Variants in SNX29 observed in about 807,000 individuals in gnomAD.
SNX29 encodes sorting nexin-29.
A neutral mutation model predicts 102.1 loss-of-function variants in SNX29; 78 were observed. That is an observed-to-expected ratio of 0.76 (90% confidence interval 0.64 to 0.92). The LOEUF (loss-of-function observed/expected upper bound fraction) is 0.92, where lower values mean the gene tolerates loss of function less well. Among genes scored for constraint, SNX29 ranks in the 40% least tolerant of loss-of-function variants. The pLI is 0.00. For synonymous variants in SNX29, 580 were observed against 414.5 expected, an observed-to-expected ratio of 1.40 and a Z score of -4.85; for missense variants, 1,280 against 1,061.7, an observed-to-expected ratio of 1.21 and a Z score of -2.86.
At chr16:12,058,958 A>G (rs2050648444) in intron 8 of SNX29, among the ~76,000 whole-genome samples, 1 of 151,452 alleles carries the variant, frequency 6.6e-6, no homozygotes, top group East Asian at 1.9e-4. Flanking sequence ...ATACCTGGCT[A>G]ATTTTTAAAT....
At chr16:12,149,794 A>G (rs375291443) in intron 13 of SNX29, among the ~76,000 whole-genome samples, 15 of 152,330 alleles carry the variant, frequency 9.8e-5, no homozygotes, top group East Asian at 5.8e-4. Flanking sequence ...AGGCAGTTCT[A>G]TATCATCCTA....
chr16:12,413,014 A>T (rs986869143), intron 18 of SNX29, among the ~76,000 whole-genome samples: 1 of 152,164 alleles, frequency 6.6e-6, no homozygotes, highest in African/African-American at 2.4e-5. Flanking sequence ...TGTGTTTATC[A>T]GGCAAGGGCT....
intron 14 of SNX29, among the ~76,000 whole-genome samples, chr16:12,211,430 C>G (rs758006757): frequency 4.3e-4 from 66 of 152,230 alleles, no homozygotes; most frequent in Middle Eastern, 3.4e-3. Context: ...TTTTTTCCTT[C>G]TAACAGCTCT....
At chr16:12,370,581 A>T (rs1008948378) in intron 16 of SNX29, among the ~76,000 whole-genome samples, 1 of 152,156 alleles carries the variant, frequency 6.6e-6, no homozygotes. Context: ...ATGAAGGTAC[A>T]TCTCTGCTTC....
At chr16:12,385,881 G>A (rs555048800) in intron 16 of SNX29, among the ~76,000 whole-genome samples, 5 of 152,344 alleles carry the variant, frequency 3.3e-5, no homozygotes, top group Admixed American at 1.3e-4. Context: ...CCAACGGGAT[G>A]TGCAGCCTCC....
intron 14 of SNX29, among the ~76,000 whole-genome samples, chr16:12,225,720 G>T (rs1055971468): frequency 3.3e-5 from 5 of 152,172 alleles, no homozygotes; most frequent in Non-Finnish European, 7.3e-5. Context: ...TTCTGGCATC[G>T]CATGAAGATT....
At chr16:12,010,437 C>T (rs1312805961) in intron 3 of SNX29, among the ~76,000 whole-genome samples, 1 of 152,106 alleles carries the variant, frequency 6.6e-6, no homozygotes, top group Non-Finnish European at 1.5e-5. Context: ...GCCTGGCCAA[C>T]ATGGCGAAAC....
At chr16:12,356,478 C>T (rs1226686506) in intron 16 of SNX29, among the ~76,000 whole-genome samples, 199 bp downstream of exon 16, 2 of 152,176 alleles carry the variant, frequency 1.3e-5, no homozygotes, top group Admixed American at 6.5e-5. Context: ...GTTGAAGCAA[C>T]ATTTCCTGTT....
intron 19 of SNX29, among the ~76,000 whole-genome samples, chr16:12,508,998 A>G (rs1488766628): frequency 3.3e-5 from 5 of 152,132 alleles, no homozygotes; most frequent in African/African-American, 9.7e-5. Context: ...CCCTCCGCTC[A>G]GTTCCCGGCA....
chr16:12,571,798 C>A lies in SNX29; in HGVS notation c.*3169C>A. On this transcript the variant is annotated 3_prime_UTR_variant, in exon 21 of 21. Transcript: ENST00000566228. ...CCTTCTCCGCCACTCTTCCTGCAATCAGTGTGAAATTCCAGCTTCTTTGAT... is the reference window on the plus strand; with the variant it reads ...CCTTCTCCGCCACTCTTCCTGCAATAAGTGTGAAATTCCAGCTTCTTTGAT... 9.9e-7 allele frequency: 1 copy of A among 1,011,832 alleles called. No homozygotes were observed. The highest frequency in any genetic ancestry group is 1.7e-5 in the African/African-American group (1 of 59,910). 62.7% of individuals were successfully genotyped at this position (1,011,832 alleles called of 1,614,324 possible).
chr16:12,488,954 C>T (rs1567615624), intron 19 of SNX29, among the ~76,000 whole-genome samples: 1 of 152,166 alleles, frequency 6.6e-6, no homozygotes, highest in East Asian at 1.9e-4. Flanking sequence ...CAACTTGACT[C>T]CGTTGGGCAT....
At position 12,425,529 on chromosome 16, in the gene SNX29, T is replaced by TA. The variant is rs57793049; in HGVS notation, c.2037+22015dup. 1.6e-3 allele frequency among the ~76,000 whole-genome samples: 124 copies of TA among 78,358 alleles called. 2 individuals carry two copies. Among genetic ancestry groups the TA allele is most frequent in the Admixed American group, 3.4e-3 (22 of 6,520 alleles). 51.4% of individuals were successfully genotyped at this position (78,358 alleles called of 152,430 possible). On this transcript the variant is annotated intron_variant, in intron 18 of 20. Coordinates refer to ENST00000566228, the MANE Select transcript of SNX29 (RefSeq NM_032167.5). ...TCCACACTACCCAAATGACCAGAGT[T>TA]AAAAAAAAAAAAAAATAAAAAAAAT...
intron 15 of SNX29, among the ~76,000 whole-genome samples, chr16:12,337,106 C>T (rs886535519): frequency 6.6e-6 from 1 of 152,164 alleles, no homozygotes; most frequent in African/African-American, 2.4e-5. Flanking sequence ...CTTTTACAGA[C>T]AAGGAACTGA....
intron 11 of SNX29, among the ~76,000 whole-genome samples, chr16:12,111,528 A>G (rs2053501338): frequency 6.6e-6 from 1 of 152,106 alleles, no homozygotes; most frequent in Non-Finnish European, 1.5e-5. Context: ...TTTACGTCTC[A>G]GTGACACAGT....
At chr16:12,136,506 A>G (rs1306868224) in intron 13 of SNX29, among the ~76,000 whole-genome samples, 1 of 152,178 alleles carries the variant, frequency 6.6e-6, no homozygotes, top group African/African-American at 2.4e-5. Context: ...TAGCTGGGAA[A>G]TCCAAGGACA....
intron 11 of SNX29, among the ~76,000 whole-genome samples, chr16:12,089,349 T>TA (rs933470608): frequency 6.6e-6 from 1 of 151,444 alleles, no homozygotes; most frequent in Admixed American, 6.6e-5. Context: ...ATAAAAAAAT[T>TA]AAAAAAACCC....
chr16:12,549,764 A>T (rs911722538), intron 20 of SNX29, among the ~76,000 whole-genome samples: 1 of 152,234 alleles, frequency 6.6e-6, no homozygotes, highest in African/African-American at 2.4e-5. Flanking sequence ...CCTGTTGGTG[A>T]TTAGCAGGTG....
At chr16:12,537,325 C>G (rs1248936289) in intron 20 of SNX29, among the ~76,000 whole-genome samples, 3 of 152,328 alleles carry the variant, frequency 2.0e-5, no homozygotes, top group South Asian at 2.1e-4. Context: ...TAAGCCAAAG[C>G]TCTGTTAGTA....
rs533275769 is a variant in SNX29, at chr16:12,558,564, G to A, written c.2319-9942G>A. 3.9e-5 allele frequency among the ~76,000 whole-genome samples: 6 copies of A among 152,240 alleles called. No homozygotes were observed. In the South Asian group the frequency reaches 6.2e-4, roughly 16 times the overall value. On this transcript the variant is annotated intron_variant, in intron 20 of 20. Coordinates refer to ENST00000566228, the MANE Select transcript of SNX29 (RefSeq NM_032167.5). The stretch of plus-strand genomic sequence containing the variant: ...ACAGTGCCATGCCTCTCAGTACCCC[G>A]TCCATGGTGGATCCATACACCTGTC...
Sources: gnomAD v4.1 joint callset for allele counts (sites outside exome capture counted in the v4.1 genomes callset) on GRCh38, gnomAD v4.1.1 for gene constraint, MANE v1.5 for transcripts, NCBI Gene and HGNC (gene_info 2026-07-23, HGNC 2026-07-21) for gene names.